PPL: variants seen among roughly 807,000 people sequenced by gnomAD.
PPL encodes 190 kDa paraneoplastic pemphigus antigen.
PPL carries 198 observed loss-of-function variants against 194.4 expected under a neutral mutation model. The observed-to-expected ratio is 1.02, with a 90% CI of 0.91 to 1.15. PPL has a LOEUF of 1.15. Ranked by LOEUF, PPL falls within the 50% of genes most tolerant of loss-of-function variation. PPL has a pLI of 0.00. For missense variants in PPL, 2,885 were observed against 2,294.8 expected, an observed-to-expected ratio of 1.26 and a Z score of -5.25; for synonymous variants, 1,220 against 972.4, an observed-to-expected ratio of 1.25 and a Z score of -4.74.
intron 1 of PPL, among the ~76,000 whole-genome samples, chr16:4,923,356 G>C (rs2089089265): frequency 6.6e-6 from 1 of 152,216 alleles, no homozygotes; most frequent in South Asian, 2.1e-4. Flanking sequence ...GTAAGTTTTA[G>C]TTTGGATGAT....
At position 4,890,772 on chromosome 16, in the gene PPL, C is replaced by G. The variant is rs574454892; in HGVS notation, c.2118G>C (p.Lys706Asn). ...GCAGGTTGTTGAAACGCTGGCCCAG[C>G]TTGTGCACCTCGGCCTCCTGGCGCT... The part of the protein sequence containing the change: ...DLERQEAEVH[K>N]LGQRFNNLRQ... Residue 706 changes from lysine (K) to asparagine (N), a missense_variant, in exon 17 of 22, where the codon AAG (lysine) becomes AAC (asparagine). Physicochemically the swap from Lys to Asn is moderately conservative, Grantham distance 94. Coordinates refer to ENST00000345988, the MANE Select transcript of PPL (RefSeq NM_002705.5). 6.2e-7 allele frequency: 1 copy of G among 1,609,900 alleles called. No individual in the cohort carries two copies. Among genetic ancestry groups the G allele is most frequent in the Non-Finnish European group, 8.5e-7 (1 of 1,178,524 alleles).
chr16:4,911,672 C>G (rs2088823180), intron 1 of PPL, among the ~76,000 whole-genome samples: 1 of 152,016 alleles, frequency 6.6e-6, no homozygotes, highest in African/African-American at 2.4e-5. Flanking sequence ...GTAGCTGGGA[C>G]TACAGGCACA....
At chr16:4,888,885 G>T in intron 19 of PPL, 93 bp downstream of exon 19, 1 of 1,274,886 alleles carries the variant, frequency 7.8e-7, no homozygotes. Context: ...CCACCCCCAT[G>T]TGCCAGGGCC....
intron 1 of PPL, among the ~76,000 whole-genome samples, chr16:4,923,131 G>A (rs1029562660): frequency 6.6e-6 from 1 of 152,192 alleles, no homozygotes; most frequent in East Asian, 1.9e-4. Context: ...AACTGCAGAA[G>A]GGGAGGGTGG....
intron 2 of PPL, 128 bp downstream of exon 2, chr16:4,910,722 G>A (rs534974111): frequency 1.3e-5 from 11 of 825,312 alleles, no homozygotes; most frequent in East Asian, 5.0e-5. Flanking sequence ...CAACCAAAAT[G>A]TCTCTGCATG....
At chr16:4,907,922 G>A (rs534123204) in intron 2 of PPL, among the ~76,000 whole-genome samples, 12 of 152,154 alleles carry the variant, frequency 7.9e-5, no homozygotes, top group South Asian at 2.1e-4. Context: ...TTGGGAGGCC[G>A]AGGTGGGCAG....
Position 4,930,877 on chromosome 16 carries a change from G to A in PPL, c.62+6107C>T, listed in dbSNP as rs1277073192. Reference sequence around the variant, plus strand: ...GATGTGCAGGGCACCAGCTCCCAGGGCCTAAGAGCAAAGAGAGGTCTGGGG... The same window carrying A: ...GATGTGCAGGGCACCAGCTCCCAGGACCTAAGAGCAAAGAGAGGTCTGGGG... On this transcript the variant is annotated intron_variant, in intron 1 of 21. Coordinates refer to ENST00000345988, the MANE Select transcript of PPL (RefSeq NM_002705.5). Among the ~76,000 whole-genome samples, 57 of 152,186 alleles carry A rather than the reference G, an allele frequency of 3.7e-4. 1 individual carries two copies. Among genetic ancestry groups the A allele is most frequent in the Non-Finnish European group, 5.9e-5 (4 of 68,042 alleles).
At chr16:4,922,788 T>TTC (rs5815222) in intron 1 of PPL, among the ~76,000 whole-genome samples, 109,761 of 152,024 alleles carry the variant, frequency 0.72, 42,358 homozygotes, top group Non-Finnish European at 0.86. Context: ...TTCACGCTGA[T>TTC]CCTGGTGCAA....
intron 4 of PPL, among the ~76,000 whole-genome samples, 187 bp from the exon 5 acceptor site, chr16:4,901,276 C>G (rs1331955428): frequency 1.3e-5 from 2 of 152,216 alleles, no homozygotes; most frequent in Admixed American, 1.3e-4. Context: ...TGACCTATAT[C>G]ATCTTTCATC....
intron 6 of PPL, 68 bp from the exon 7 acceptor site, chr16:4,899,452 C>T: frequency 6.5e-7 from 1 of 1,532,290 alleles, no homozygotes; most frequent in Non-Finnish European, 8.8e-7. Context: ...TCCTTCCCTA[C>T]CTCCTGCAGG....
Position 4,883,886 on chromosome 16 carries a change from G to A in PPL, c.4769C>T (p.Ala1590Val), listed in dbSNP as rs764102114. ...GTTCCGCAGGTCTCGTGTTTCCGTC[G>A]CTGCCATGTTGATTTCCGATTGGAG... is the stretch of plus-strand genomic sequence containing the variant. Reference protein sequence around the residue: ...RRLQSEINMAATETRDLRNMT... With the variant: ...RRLQSEINMAVTETRDLRNMT... Residue 1590 changes from alanine (A) to valine (V), a missense_variant, in exon 22 of 22, where the codon GCG becomes GTG. By Grantham distance (64) the Ala-to-Val change is moderately conservative (BLOSUM62 0). Transcript: ENST00000345988. The surrounding 1 kb of genome is among the most constrained non-coding windows in gnomAD (Gnocchi z 4.8). 31 of 1,613,780 alleles carry A rather than the reference G, an allele frequency of 1.9e-5. No individual in the cohort carries two copies. The highest frequency in any genetic ancestry group is 1.0e-4 in the Admixed American group (6 of 60,000).
chr16:4,886,198 C>T lies in PPL; in HGVS notation c.2608-151G>A, dbSNP rs1041314025. The T allele has an allele frequency of 4.3e-6, 4 of 929,862 alleles. No homozygotes were observed. In the East Asian group the frequency reaches 1.1e-4, roughly 25 times the overall value. The allele number at this position is 929,862 out of a possible 1,614,324, so 57.6% of individuals were successfully genotyped here. On this transcript the variant is annotated intron_variant, in intron 21 of 21. Coordinates refer to ENST00000345988, the MANE Select transcript of PPL (RefSeq NM_002705.5). ...AGTTGTAGAGTTCTAGGGTTACTTT[C>T]AAAAAGGATCAAACAACTAGTTTGG...
chr16:4,904,110 G>A, intron 2 of PPL, 70 bp from the exon 3 acceptor site: 9 of 1,485,058 alleles, frequency 6.1e-6, no homozygotes, highest in Non-Finnish European at 8.2e-6. Context: ...TGGGAGGGGT[G>A]GGAGGAAAGG....
intron 1 of PPL, among the ~76,000 whole-genome samples, chr16:4,924,178 G>A (rs535778908): frequency 9.9e-5 from 15 of 152,154 alleles, no homozygotes; most frequent in Non-Finnish European, 2.1e-4. Context: ...TAGTAGCCAC[G>A]TGAAAAGAGT....
rs746829070 is a variant in PPL, at chr16:4,887,224, C to T, written c.2518G>A (p.Ala840Thr). Residue 840 changes from alanine (A) to threonine (T), a missense_variant, in exon 21 of 22, where the codon GCA becomes ACA. Physicochemically the swap from Ala to Thr is moderately conservative, Grantham distance 58. Coordinates refer to ENST00000345988, the MANE Select transcript of PPL (RefSeq NM_002705.5). Reference sequence around the variant, plus strand: ...TCAGTGAACTTGGCGGCAAGTGCTGCTTCCTGCAGAGAAGAGGATTAGGAG... The same window carrying T: ...TCAGTGAACTTGGCGGCAAGTGCTGTTTCCTGCAGAGAAGAGGATTAGGAG... ...SPATKVKEEEAALAAKFTEVY... is the reference protein window; with the variant it reads ...SPATKVKEEETALAAKFTEVY... 1 of 1,613,210 alleles carries T rather than the reference C, an allele frequency of 6.2e-7. No homozygotes were observed. Among genetic ancestry groups the T allele is most frequent in the Non-Finnish European group, 8.5e-7 (1 of 1,179,194 alleles).
intron 3 of PPL, among the ~76,000 whole-genome samples, chr16:4,903,514 G>A (rs1203367130): frequency 1.3e-5 from 2 of 152,138 alleles, no homozygotes; most frequent in African/African-American, 4.8e-5. Context: ...AAGGTCTGGA[G>A]TTTGAGACCA....
chr16:4,895,263 G>T lies in PPL; in HGVS notation c.1240C>A (p.Gln414Lys), dbSNP rs2088402434. ...ACAGAGGAGCTGGCCCCACGCACCTGCTCCCCCTCAAAGTCACAGAGTGCC... is the reference window on the plus strand; with the variant it reads ...ACAGAGGAGCTGGCCCCACGCACCTTCTCCCCCTCAAAGTCACAGAGTGCC... ...VEALCDFEGE[Q>K]GLISRGYSYT... Residue 414 changes from glutamine (Q) to lysine (K), a missense_variant and splice_region_variant, in exon 11 of 22, where the codon CAG becomes AAG. By Grantham distance (53) the Gln-to-Lys change is moderately conservative. Coordinates refer to ENST00000345988, the MANE Select transcript of PPL (RefSeq NM_002705.5). 1 of 1,601,902 alleles carries T rather than the reference G, an allele frequency of 6.2e-7. No homozygotes were observed. The highest frequency in any genetic ancestry group is 8.5e-7 in the Non-Finnish European group (1 of 1,173,464).
chr16:4,889,982 G>C (rs1219241336), intron 18 of PPL, among the ~76,000 whole-genome samples: 2 of 152,252 alleles, frequency 1.3e-5, no homozygotes, highest in African/African-American at 2.4e-5. Context: ...CACTGAGCTG[G>C]GAGAGGTGAG....
chr16:4,915,399 C>T (rs764987446), intron 1 of PPL, among the ~76,000 whole-genome samples: 5 of 152,260 alleles, frequency 3.3e-5, no homozygotes, highest in Non-Finnish European at 5.9e-5. Context: ...GCGATGACCA[C>T]AAAGGCATCC....
Sources: gnomAD v4.1 joint callset for allele counts (sites outside exome capture counted in the v4.1 genomes callset) on GRCh38, gnomAD v4.1.1 for gene constraint, Gnocchi (gnomAD v3.1) non-coding constraint, MANE v1.5 for transcripts, NCBI Gene and HGNC (gene_info 2026-07-23, HGNC 2026-07-21) for gene names.